Variants in NUFIP2 observed in about 807,000 individuals in gnomAD.
NUFIP2 encodes the protein FMR1-interacting protein NUFIP2.
Under a neutral mutation model 56.9 loss-of-function variants are expected in NUFIP2, and 6 were observed. The ratio of observed to expected loss-of-function variants is 0.11; its 90% CI spans 0.06 to 0.21. NUFIP2 has a LOEUF of 0.21. Ranked by LOEUF, NUFIP2 falls within the 10% of genes least tolerant of loss-of-function variation. The probability of loss-of-function intolerance (pLI) is 1.00; values close to 1 mark genes in which losing one functional copy is unlikely to be tolerated. For missense variants in NUFIP2, 828 were observed against 826.8 expected (o/e 1.00, Z -0.02); for synonymous variants, 321 against 298.2 (o/e 1.08, Z -0.79).
At position 29,294,071 on chromosome 17, in the gene NUFIP2, G is replaced by T; in HGVS notation, c.-12C>A. On this transcript the variant is annotated 5_prime_UTR_variant, in exon 1 of 4. Coordinates refer to ENST00000225388, the MANE Select transcript of NUFIP2 (RefSeq NM_020772.3). ...GGCTTCTCCTCCATTGAAAGCGGCT[G>T]GGACTCCCTGGCTGAGGCTGCGGGC... is the stretch of plus-strand genomic sequence containing the variant. The T allele has an allele frequency of 1.3e-6, 2 of 1,584,538 alleles. No homozygotes were observed. Among genetic ancestry groups the T allele is most frequent in the Non-Finnish European group, 1.7e-6 (2 of 1,162,882 alleles).
At chr17:29,278,539 G>A (rs983045457) in intron 2 of NUFIP2, among the ~76,000 whole-genome samples, 2 of 151,636 alleles carry the variant, frequency 1.3e-5, no homozygotes, top group East Asian at 1.9e-4. Flanking sequence ...GAGCCACCAC[G>A]CCCGGCCCCC....
intron 2 of NUFIP2, among the ~76,000 whole-genome samples, chr17:29,276,730 T>C (rs1390013193): frequency 2.6e-5 from 4 of 152,180 alleles, no homozygotes; most frequent in Non-Finnish European, 5.9e-5. Flanking sequence ...TTATCACTAC[T>C]GCTTCTCACA....
Position 29,276,029 on chromosome 17 carries a change from A to AATATATATATATATATATATATATAT in NUFIP2, c.2003-8500_2003-8499insATATATATATATATATATATATATAT, listed in dbSNP as rs71135888. On this transcript the variant is annotated intron_variant, in intron 2 of 3. Coordinates refer to ENST00000225388, the MANE Select transcript of NUFIP2 (RefSeq NM_020772.3). ...GGTGACAGAGTAAGACTCCGTCTCAAATATATATATATATATATATCTGAA... is the reference window on the plus strand; with the variant it reads ...GGTGACAGAGTAAGACTCCGTCTCAAATATATATATATATATATATATATATATATATATATATATATATATCTGAA... Among the ~76,000 whole-genome samples, 420 of 138,012 alleles carry AATATATATATATATATATATATATAT rather than the reference A, an allele frequency of 3.0e-3. 8 individuals carry two copies. Among genetic ancestry groups the AATATATATATATATATATATATATAT allele is most frequent in the South Asian group, 7.1e-3 (28 of 3,946 alleles). The allele number at this position is 138,012 out of a possible 152,430, so 90.5% of individuals were successfully genotyped here.
rs2068998617 is a variant in NUFIP2 at position 29,260,901 on chromosome 17, T to A, written c.*3638A>T. On this transcript the variant is annotated 3_prime_UTR_variant, in exon 4 of 4. Transcript: ENST00000225388. ...AAGAAAAAAAAATCTGTCATTAAAT[T>A]CCTAGTTATTGGCTATCCCCTCCTA... The A allele has an allele frequency of 6.6e-6, 1 of 152,210 alleles. No homozygotes were observed. Among genetic ancestry groups the A allele is most frequent in the Admixed American group, 6.5e-5 (1 of 15,292 alleles). The allele number at this position is 152,210 out of a possible 1,614,324, so 9.4% of individuals were successfully genotyped here. A position where few individuals can be genotyped will look rare whatever the true frequency, so the allele number is the denominator to read the frequency against.
At chr17:29,273,075 T>C (rs1299340306) in intron 2 of NUFIP2, among the ~76,000 whole-genome samples, 1 of 151,476 alleles carries the variant, frequency 6.6e-6, no homozygotes, top group Non-Finnish European at 1.5e-5. Context: ...AGAGTCTCAC[T>C]GTCACCCAGG....
rs763288384 is a variant in NUFIP2, at chr17:29,287,292, A to G, written c.702T>C (p.Cys234=). The change falls in exon 2 of 4, where the codon TGT becomes TGC. Residue 234 remains cysteine, a synonymous_variant. Coordinates refer to ENST00000225388, the MANE Select transcript of NUFIP2 (RefSeq NM_020772.3). ...TGTCCTGCACTATATTAAGGTTTTC[A>G]CAACCCTTGGCACTATTGCGCCTAG... The part of the protein sequence containing the change: ...RKARRNSAKG[C]ENLNIVQDKI... The G allele has an allele frequency of 3.7e-6, 6 of 1,614,168 alleles. No homozygotes were observed. The Admixed American group carries it at 1.0e-4, about 27-fold the overall frequency.
chr17:29,278,141 CAGG>C (rs1392516744), intron 2 of NUFIP2, among the ~76,000 whole-genome samples: 1 of 152,178 alleles, frequency 6.6e-6, no homozygotes, highest in African/African-American at 2.4e-5. Context: ...TACAACAATC[CAGG>C]ATAAGAAGAA....
rs1221202354 is a variant in NUFIP2 at position 29,263,949 on chromosome 17, T to C, written c.*590A>G. 2.0e-5 allele frequency: 3 copies of C among 152,628 alleles called. No homozygotes were observed. The highest frequency in any genetic ancestry group is 4.8e-5 in the African/African-American group (2 of 41,410). 9.5% of individuals were successfully genotyped at this position (152,628 alleles called of 1,614,324 possible). On this transcript the variant is annotated 3_prime_UTR_variant, in exon 4 of 4. Coordinates refer to ENST00000225388, the MANE Select transcript of NUFIP2 (RefSeq NM_020772.3). ...AGGCCGCTTAACTCCTGGCAAGACA[T>C]GCAAATCATATTCGCTAAAAAAATA...
rs574249267 is a variant in NUFIP2 at position 29,258,380 on chromosome 17, T to C, written c.*6159A>G. ...ACAAGAGAAACAGCTGGAGTTTTGA[T>C]TGATTTGATTTAAACTAAATCTGAT... On this transcript the variant is annotated 3_prime_UTR_variant, in exon 4 of 4. Coordinates refer to ENST00000225388, the MANE Select transcript of NUFIP2 (RefSeq NM_020772.3). 1 of 152,154 alleles carries C rather than the reference T, an allele frequency of 6.6e-6. No individual in the cohort carries two copies. Among genetic ancestry groups the C allele is most frequent in the Non-Finnish European group, 1.5e-5 (1 of 68,030 alleles). The allele number at this position is 152,154 out of a possible 1,614,324, so 9.4% of individuals were successfully genotyped here. A position where few individuals can be genotyped will look rare whatever the true frequency, so the allele number is the denominator to read the frequency against.
At chr17:29,283,938 TAAGG>T (rs1325532820) in intron 2 of NUFIP2, among the ~76,000 whole-genome samples, 1 of 152,186 alleles carries the variant, frequency 6.6e-6, no homozygotes, top group East Asian at 1.9e-4. Flanking sequence ...CTTCCATTTT[TAAGG>T]AAGTAAAATG....
In NUFIP2 at chr17:29,286,478, G is replaced by C. The variant is rs2069175017; in HGVS notation, c.1516C>G (p.Gln506Glu). The C allele has an allele frequency of 6.2e-7, 1 of 1,614,202 alleles. No individual in the cohort carries two copies. Among genetic ancestry groups the C allele is most frequent in the Non-Finnish European group, 8.5e-7 (1 of 1,180,036 alleles). ...QQNLGDIFQN[Q>E]WGLSFINEPS... ...TCATTTATAAATGATAAACCCCACT[G>C]ATTCTGGAAGATATCCCCCAGGTTT... is the stretch of plus-strand genomic sequence containing the variant. The change falls in exon 2 of 4, where the codon CAG (glutamine) becomes GAG (glutamate). Residue 506 changes from glutamine to glutamate, a missense_variant. This residue lies in a region of NUFIP2 where 404 missense variants were observed against 380.3 expected (regional missense o/e 1.06). Coordinates refer to ENST00000225388, the MANE Select transcript of NUFIP2 (RefSeq NM_020772.3).
intron 1 of NUFIP2, among the ~76,000 whole-genome samples, chr17:29,291,035 C>CAAAAAA (rs60000691): frequency 3.2e-4 from 23 of 72,192 alleles, no homozygotes; most frequent in East Asian, 1.3e-3. Flanking sequence ...GTTTTAATAA[C>CAAAAAA]AAAAAAAAAA....
Position 29,286,044 on chromosome 17 carries a change from A to G in NUFIP2, c.1950T>C (p.Asn650=), listed in dbSNP as rs966466607. The G allele has an allele frequency of 6.2e-7, 1 of 1,614,044 alleles. No homozygotes were observed. The highest frequency in any genetic ancestry group is 8.5e-7 in the Non-Finnish European group (1 of 1,179,996). The part of the protein sequence containing the change: ...EQRYQRGLER[N]DSWGSFDLRA... ...TCAGGTCAAAAGAACCCCAGCTATC[A>G]TTCCTTTCTAGGCCTCTCTGGTATC... The change falls in exon 2 of 4, where the codon AAT becomes AAC. Residue 650 remains asparagine, a synonymous_variant. Coordinates refer to ENST00000225388, the MANE Select transcript of NUFIP2 (RefSeq NM_020772.3).
rs527938481 is a variant in NUFIP2, at chr17:29,264,115, G to A, written c.*424C>T. The A allele has an allele frequency of 2.0e-5, 3 of 152,728 alleles. No homozygotes were observed. In the East Asian group the frequency reaches 5.8e-4, roughly 29 times the overall value. The allele number at this position is 152,728 out of a possible 1,614,324, so 9.5% of individuals were successfully genotyped here. A position where few individuals can be genotyped will look rare whatever the true frequency, so the allele number is the denominator to read the frequency against. On this transcript the variant is annotated 3_prime_UTR_variant, in exon 4 of 4. Coordinates refer to ENST00000225388, the MANE Select transcript of NUFIP2 (RefSeq NM_020772.3). The stretch of plus-strand genomic sequence containing the variant: ...TGATTAGTGTATCACTTCAGTCACA[G>A]AACAAGATACAGAGATCTTTTAAGT...
chr17:29,287,256 T>C lies in NUFIP2; in HGVS notation c.738A>G (p.Gln246=), dbSNP rs1233889063. The change falls in exon 2 of 4, where the codon CAA becomes CAG. Residue 246 remains glutamine (Q), a synonymous_variant. Coordinates refer to ENST00000225388, the MANE Select transcript of NUFIP2 (RefSeq NM_020772.3). Reference sequence around the variant, plus strand: ...TTAAGGTTGGGACACTGGTCTCTTGTTGCATTATTTTGTCCTGCACTATAT... The same window carrying C: ...TTAAGGTTGGGACACTGGTCTCTTGCTGCATTATTTTGTCCTGCACTATAT... ...NLNIVQDKIM[Q]QETSVPTLKQ... is the part of the protein sequence containing the mutation. 6.2e-7 allele frequency: 1 copy of C among 1,614,236 alleles called. No homozygotes were observed. Among genetic ancestry groups the C allele is most frequent in the African/African-American group, 1.3e-5 (1 of 75,064 alleles).
intron 2 of NUFIP2, among the ~76,000 whole-genome samples, chr17:29,284,706 C>CAAAAAAAAAAA (rs66700326): frequency 1.1e-3 from 60 of 53,460 alleles, no homozygotes; most frequent in African/African-American, 2.5e-3. Flanking sequence ...GACTCCATCT[C>CAAAAAAAAAAA]AAAAAAAAAA....
Position 29,287,732 on chromosome 17 carries a change from A to G in NUFIP2, c.278-16T>C. 6.5e-7 allele frequency: 1 copy of G among 1,548,696 alleles called. No homozygotes were observed. On this transcript the variant is annotated splice_polypyrimidine_tract_variant and intron_variant, in intron 1 of 3. Coordinates refer to ENST00000225388, the MANE Select transcript of NUFIP2 (RefSeq NM_020772.3). Reference sequence around the variant, plus strand: ...TCACCATAGCCTAGGGGAGGGGAAAAAAAGGATTAAAAAAAAAAATCACAA... The same window carrying G: ...TCACCATAGCCTAGGGGAGGGGAAAGAAAGGATTAAAAAAAAAAATCACAA...
intron 2 of NUFIP2, among the ~76,000 whole-genome samples, chr17:29,272,840 CT>C (rs869121432): frequency 1.1e-3 from 145 of 128,938 alleles, no homozygotes; most frequent in Admixed American, 2.9e-3. Flanking sequence ...GTAACTGATT[CT>C]TTTTTTTTTT....
intron 2 of NUFIP2, among the ~76,000 whole-genome samples, chr17:29,272,096 G>A (rs1456270184): frequency 1.6e-5 from 2 of 128,390 alleles, no homozygotes; most frequent in African/African-American, 5.7e-5. Context: ...GAGGGGAGGG[G>A]AGGGGAGGGG....
Sources: gnomAD v4.1 joint callset for allele counts (sites outside exome capture counted in the v4.1 genomes callset) on GRCh38, gnomAD v4.1.1 for gene constraint, gnomAD v4.1.1 regional missense constraint, MANE v1.5 for transcripts, NCBI Gene and HGNC (gene_info 2026-07-23, HGNC 2026-07-21) for gene names.